The following PLA2G15 variants were observed in gnomAD, a reference collection of about 807,000 sequenced individuals.
PLA2G15 encodes the protein phospholipase A2 group XV.
In PLA2G15, 20 loss-of-function variants were observed where a neutral mutation model predicts 40.9. That is an observed-to-expected ratio of 0.49 (90% CI 0.34 to 0.71). The LOEUF is 0.71. Ranked by LOEUF, PLA2G15 falls within the 30% of genes least tolerant of loss-of-function variation. The pLI, the probability that PLA2G15 is intolerant of heterozygous loss-of-function variation, is 0.01. For synonymous variants in PLA2G15, 223 were observed against 228.2 expected (o/e 0.98, Z 0.21); for missense variants, 471 against 541.9 (o/e 0.87, Z 1.30).
Position 68,249,396 on chromosome 16 carries a change from C to T in PLA2G15, c.234C>T (p.Asn78=). 6.2e-7 allele frequency: 1 copy of T among 1,614,152 alleles called. No homozygotes were observed. Among genetic ancestry groups the T allele is most frequent in the Non-Finnish European group, 8.5e-7 (1 of 1,180,002 alleles). Reference sequence around the variant, plus strand: ...AAAGCTACTTCACAATCTGGCTGAACCTGGAACTGCTGCTGCCTGTCATCA... The same window carrying T: ...AAAGCTACTTCACAATCTGGCTGAATCTGGAACTGCTGCTGCCTGTCATCA... ...KTESYFTIWL[N]LELLLPVIID... Residue 78 remains asparagine, a synonymous_variant, in exon 2 of 6, where the codon AAC becomes AAT. Transcript: ENST00000219345.
intron 2 of PLA2G15, among the ~76,000 whole-genome samples, chr16:68,251,924 G>A (rs528253015): frequency 1.3e-5 from 2 of 151,542 alleles, no homozygotes; most frequent in South Asian, 4.2e-4. Flanking sequence ...GCCCTGGCCT[G>A]CCGGCTGTTT....
Position 68,259,888 on chromosome 16 carries a change from C to T in PLA2G15, c.*231C>T. On this transcript the variant is annotated 3_prime_UTR_variant, in exon 6 of 6. Coordinates refer to ENST00000219345, the MANE Select transcript of PLA2G15 (RefSeq NM_012320.4). The surrounding 1 kb of genome is among the most constrained non-coding windows in gnomAD (Gnocchi z 6.5). ...GGGACACTGGATGGCAAGAATGCTG[C>T]TGATGGTGGAACTGCTGTGACCTTA... 1 of 581,076 alleles carries T rather than the reference C, an allele frequency of 1.7e-6. No homozygotes were observed. Among genetic ancestry groups the T allele is most frequent in the South Asian group, 2.1e-5 (1 of 48,578 alleles). 36.0% of individuals were successfully genotyped at this position (581,076 alleles called of 1,614,324 possible).
At chr16:68,256,187 G>A in intron 5 of PLA2G15, 197 bp downstream of exon 5, 1 of 550,264 alleles carries the variant, frequency 1.8e-6, no homozygotes, top group Non-Finnish European at 3.2e-6. Flanking sequence ...ATTTAATAGG[G>A]ACATACGAAT....
intron 5 of PLA2G15, among the ~76,000 whole-genome samples, chr16:68,257,243 T>G (rs990242532): frequency 1.3e-5 from 2 of 152,126 alleles, no homozygotes; most frequent in African/African-American, 4.8e-5. Context: ...CAGGCTGGTC[T>G]TGAACTCCTG....
Position 68,245,385 on chromosome 16 carries a change from A to C in PLA2G15, c.-42A>C. On this transcript the variant is annotated 5_prime_UTR_variant, in exon 1 of 6. Coordinates refer to ENST00000219345, the MANE Select transcript of PLA2G15 (RefSeq NM_012320.4). ...CCCCCGCCTAGGCGAGAGCCCAGAG[A>C]GCTGAACCTGCATCCCGGACCTGCG... 2 of 1,595,130 alleles carry C rather than the reference A, an allele frequency of 1.3e-6. No individual in the cohort carries two copies. Among genetic ancestry groups the C allele is most frequent in the Non-Finnish European group, 1.7e-6 (2 of 1,176,130 alleles).
Position 68,245,525 on chromosome 16 carries a change from G to A in PLA2G15, c.99G>A (p.Pro33=). The change falls in exon 1 of 6, where the codon CCG becomes CCA. Residue 33 remains proline (P), a synonymous_variant. Transcript: ENST00000219345. The part of the protein sequence containing the change: ...LLMLLADPAL[P]AGRHPPVVLV... ...TGCTGCTCGCGGACCCAGCGCTCCC[G>A]GCCGGACGTCACCCCCCAGTGGTGC... The A allele has an allele frequency of 6.3e-7, 1 of 1,592,904 alleles. No homozygotes were observed. Among genetic ancestry groups the A allele is most frequent in the South Asian group, 1.1e-5 (1 of 89,024 alleles).
At chr16:68,257,441 A>G (rs2042411045) in intron 5 of PLA2G15, among the ~76,000 whole-genome samples, 1 of 152,156 alleles carries the variant, frequency 6.6e-6, no homozygotes, top group Non-Finnish European at 1.5e-5. Flanking sequence ...CTTGCCTGGC[A>G]ATTGGGAAAG....
chr16:68,259,485 T>C lies in PLA2G15; in HGVS notation c.1067T>C (p.Phe356Ser), dbSNP rs2042427314. 6.2e-7 allele frequency: 1 copy of C among 1,613,244 alleles called. No individual in the cohort carries two copies. Among genetic ancestry groups the C allele is most frequent in the Admixed American group, 1.7e-5 (1 of 60,014 alleles). ...SFPDRDPKIC[F>S]GDGDGTVNLK... The stretch of plus-strand genomic sequence containing the variant: ...CCTGACCGTGACCCTAAAATCTGCT[T>C]TGGTGACGGCGATGGTACTGTGAAC... The change falls in exon 6 of 6, where the codon TTT (phenylalanine) becomes TCT (serine). Residue 356 changes from phenylalanine (F) to serine (S), a missense_variant. By Grantham distance (155) the Phe-to-Ser change is radical (BLOSUM62 -2). Coordinates refer to ENST00000219345, the MANE Select transcript of PLA2G15 (RefSeq NM_012320.4). This position sits in a 1 kb window ranked among gnomAD's most constrained non-coding sequence, Gnocchi z 6.5.
intron 1 of PLA2G15, among the ~76,000 whole-genome samples, chr16:68,247,589 C>A (rs2042319681): frequency 6.6e-6 from 1 of 152,198 alleles, no homozygotes; most frequent in African/African-American, 2.4e-5. Flanking sequence ...TGACCAGGGT[C>A]TCTGCCCTGC....
At position 68,255,876 on chromosome 16, in the gene PLA2G15, C is replaced by T. The variant is rs771387138; in HGVS notation, c.613C>T (p.Leu205Phe). Residue 205 changes from leucine (L) to phenylalanine (F), a missense_variant, in exon 5 of 6, where the codon CTC becomes TTC. By Grantham distance (22) the Leu-to-Phe change is conservative. Transcript: ENST00000219345. This position sits in a 1 kb window ranked among gnomAD's most constrained non-coding sequence, Gnocchi z 5.9. ...CCACAGTATGGGCAACATGTACACG[C>T]TCTACTTTCTGCAGCGGCAGCCGCA... ...VAHSMGNMYT[L>F]YFLQRQPQAW... The T allele has an allele frequency of 7.4e-6, 12 of 1,614,060 alleles. No individual in the cohort carries two copies. Among genetic ancestry groups the T allele is most frequent in the East Asian group, 2.2e-5 (1 of 44,870 alleles).
chr16:68,259,396 GC>G lies in PLA2G15; in HGVS notation c.979del (p.Gln327SerfsTer37). 2 of 1,614,042 alleles carry G rather than the reference GC, an allele frequency of 1.2e-6. No individual in the cohort carries two copies. The highest frequency in any genetic ancestry group is 1.7e-6 in the Non-Finnish European group (2 of 1,180,040). ...TGGAAGCCACGATGCCACCTGGCGT[GC>G]AGCTGCACTGCCTCTATGGTACTGG... ...LVEATMPPGV[Q>X]LHCLYGTGVP... is the part of the protein sequence containing the mutation. On this transcript the variant is annotated frameshift_variant, in exon 6 of 6. Coordinates refer to ENST00000219345, the MANE Select transcript of PLA2G15 (RefSeq NM_012320.4). LOFTEE classifies it high-confidence loss of function. The surrounding 1 kb of genome is among the most constrained non-coding windows in gnomAD (Gnocchi z 6.5).
intron 2 of PLA2G15, among the ~76,000 whole-genome samples, chr16:68,251,596 C>T (rs1182834110): frequency 1.3e-5 from 2 of 152,208 alleles, no homozygotes; most frequent in South Asian, 2.1e-4. Flanking sequence ...GCAGGAGAAA[C>T]GCTTGAACCT....
chr16:68,245,810 T>C lies in PLA2G15; in HGVS notation c.127+257T>C, dbSNP rs530164789. On this transcript the variant is annotated intron_variant, in intron 1 of 5. Transcript: ENST00000219345. ...CCATCTGGTTATTCATAGTTCCACC[T>C]GTCCGCATCATTCCCAAGCCTTGCC... 2.0e-5 allele frequency among the ~76,000 whole-genome samples: 3 copies of C among 152,212 alleles called. No individual in the cohort carries two copies. The South Asian group carries it at 6.2e-4, about 31-fold the overall frequency.
In PLA2G15 at chr16:68,255,218, G is replaced by A; in HGVS notation, c.404-64G>A. On this transcript the variant is annotated intron_variant, in intron 3 of 5. Transcript: ENST00000219345. This position sits in a 1 kb window ranked among gnomAD's most constrained non-coding sequence, Gnocchi z 5.9. ...TGCTAGCTGTCACAGTCTCCATGCT[G>A]GGCATAGTGTAGGTGGCCGGCACTA... 1.6e-6 allele frequency: 2 copies of A among 1,219,196 alleles called. No homozygotes were observed. The highest frequency in any genetic ancestry group is 2.4e-6 in the Non-Finnish European group (2 of 825,160). 75.5% of individuals were successfully genotyped at this position (1,219,196 alleles called of 1,614,324 possible). A position where few individuals can be genotyped will look rare whatever the true frequency, so the allele number is the denominator to read the frequency against.
intron 5 of PLA2G15, among the ~76,000 whole-genome samples, chr16:68,258,103 T>C (rs192305248): frequency 2.4e-4 from 36 of 152,254 alleles, no homozygotes; most frequent in Non-Finnish European, 1.3e-4. Context: ...GTTCCCAAGT[T>C]GCAGCTTTTA....
rs1596947450 is a variant in PLA2G15 at position 68,254,030 on chromosome 16, A to C, written c.285-889A>C. Among the ~76,000 whole-genome samples the C allele has an allele frequency of 2.0e-5, 3 of 151,760 alleles. No individual in the cohort carries two copies. The Middle Eastern group carries it at 0.01, about 516-fold the overall frequency. Reference sequence around the variant, plus strand: ...GTGTACTGCACTCACCACCTCCTTCACCTGGGATACGTTGGGCTGGCAGGA... The same window carrying C: ...GTGTACTGCACTCACCACCTCCTTCCCCTGGGATACGTTGGGCTGGCAGGA... On this transcript the variant is annotated intron_variant, in intron 2 of 5. Transcript: ENST00000219345.
rs138261353 is a variant in PLA2G15, at chr16:68,259,305, G to A, written c.887G>A (p.Arg296His). ...PTINYTLRDY[R>H]KFFQDIGFED... ...ATCAACTACACACTGCGGGACTACC[G>A]CAAGTTCTTCCAGGACATCGGCTTT... is the stretch of plus-strand genomic sequence containing the variant. The change falls in exon 6 of 6, where the codon CGC (arginine) becomes CAC (histidine). Residue 296 changes from arginine (R) to histidine (H), a missense_variant. Arg to His is a conservative substitution (Grantham distance 29). Coordinates refer to ENST00000219345, the MANE Select transcript of PLA2G15 (RefSeq NM_012320.4). This position sits in a 1 kb window ranked among gnomAD's most constrained non-coding sequence, Gnocchi z 6.5. 48 of 1,613,948 alleles carry A rather than the reference G, an allele frequency of 3.0e-5. No homozygotes were observed. Among genetic ancestry groups the A allele is most frequent in the East Asian group, 2.0e-4 (9 of 44,894 alleles).
rs781284376 is a variant in PLA2G15 at position 68,259,557 on chromosome 16, A to G, written c.1139A>G (p.His380Arg). ...QCQAWQSRQE[H>R]QVLLQELPGS... ...CAGGCCTGGCAGAGCCGCCAGGAGC[A>G]CCAAGTGTTGCTGCAGGAGCTGCCA... The change falls in exon 6 of 6, where the codon CAC (histidine) becomes CGC (arginine). Residue 380 changes from histidine to arginine, a missense_variant. Transcript: ENST00000219345. The surrounding 1 kb of genome is among the most constrained non-coding windows in gnomAD (Gnocchi z 6.5). 1 of 1,613,520 alleles carries G rather than the reference A, an allele frequency of 6.2e-7. No individual in the cohort carries two copies. Among genetic ancestry groups the G allele is most frequent in the Non-Finnish European group, 8.5e-7 (1 of 1,180,012 alleles).
chr16:68,256,631 C>T (rs768068837), intron 5 of PLA2G15, among the ~76,000 whole-genome samples: 1 of 151,976 alleles, frequency 6.6e-6, no homozygotes, highest in Non-Finnish European at 1.5e-5. Context: ...CTGCCTCAGC[C>T]TCCTGAGTAG....
Sources: gnomAD v4.1 joint callset for allele counts (sites outside exome capture counted in the v4.1 genomes callset) on GRCh38, gnomAD v4.1.1 for gene constraint, Gnocchi (gnomAD v3.1) non-coding constraint, MANE v1.5 for transcripts, NCBI Gene and HGNC (gene_info 2026-07-23, HGNC 2026-07-21) for gene names.